KIF25: variants seen among roughly 807,000 people sequenced by gnomAD.
KIF25 encodes kinesin-like protein KIF25.
Under a neutral mutation model 32.9 loss-of-function variants are expected in KIF25, and 19 were observed. The ratio of observed to expected loss-of-function variants is 0.58; its 90% CI spans 0.40 to 0.85. KIF25 has a LOEUF of 0.85. Among genes scored for constraint, KIF25 ranks in the 40% least tolerant of loss-of-function variants. The pLI is 0.00. For synonymous variants in KIF25, 225 were observed against 213.7 expected, an observed-to-expected ratio of 1.05 and a Z score of -0.46; for missense variants, 485 against 507.0, an observed-to-expected ratio of 0.96 and a Z score of 0.42.
chr6:168,040,707 T>G (rs545165082), intron 10 of KIF25, among the ~76,000 whole-genome samples: 1 of 152,170 alleles, frequency 6.6e-6, no homozygotes, highest in East Asian at 1.9e-4. Context: ...GATCCCAGGC[T>G]GAGAAGAAAA....
Position 168,015,098 on chromosome 6 carries a change from G to C in KIF25, c.-162-2875G>C, listed in dbSNP as rs559556001. The stretch of plus-strand genomic sequence containing the variant: ...CTGTATGGTCCTTAATACATTACTT[G>C]TTCTTTTTTAACGTGGGTTCGCTGG... On this transcript the variant is annotated intron_variant, in intron 4 of 12. Coordinates refer to ENST00000643607, the MANE Select transcript of KIF25 (RefSeq NM_030615.4). Among the ~76,000 whole-genome samples the C allele has an allele frequency of 9.2e-5, 14 of 152,306 alleles. No individual in the cohort carries two copies. The South Asian group carries it at 2.9e-3, about 32-fold the overall frequency.
intron 2 of KIF25, among the ~76,000 whole-genome samples, chr6:168,000,960 C>T (rs1038697522): frequency 1.6e-4 from 24 of 152,204 alleles, no homozygotes; most frequent in African/African-American, 5.1e-4. Context: ...AGCACTTGGC[C>T]GGTTCTACAG....
At chr6:167,999,857 A>G (rs188054393) in intron 2 of KIF25, among the ~76,000 whole-genome samples, 1 of 151,988 alleles carries the variant, frequency 6.6e-6, no homozygotes, top group African/African-American at 2.4e-5. Context: ...AATATGACTT[A>G]CTTCCTTCCC....
In KIF25 at chr6:168,033,953, C is replaced by T. The variant is rs140045881; in HGVS notation, c.239C>T (p.Ser80Leu). 4.3e-5 allele frequency: 70 copies of T among 1,614,152 alleles called. No homozygotes were observed. In the African/African-American group the frequency reaches 6.0e-4, roughly 14 times the overall value. Residue 80 changes from serine to leucine, a missense_variant, in exon 8 of 13, where the codon TCG becomes TTG. Coordinates refer to ENST00000643607, the MANE Select transcript of KIF25 (RefSeq NM_030615.4). ...AGCTATACCATGCTGGGACGCCATTCGGACGACGGCCCTGTTCTGCCGCTT... is the reference window on the plus strand; with the variant it reads ...AGCTATACCATGCTGGGACGCCATTTGGACGACGGCCCTGTTCTGCCGCTT... The part of the protein sequence containing the change: ...GKSYTMLGRH[S>L]DDGPVLPLDP...
chr6:168,042,785 G>A (rs1169237797), intron 12 of KIF25, 69 bp downstream of exon 12: 4 of 1,519,856 alleles, frequency 2.6e-6, no homozygotes, highest in Non-Finnish European at 3.5e-6. Flanking sequence ...ACACACTTCT[G>A]GCCTGCACGT....
chr6:168,017,329 A>G (rs575650486), intron 4 of KIF25, among the ~76,000 whole-genome samples: 3 of 152,242 alleles, frequency 2.0e-5, no homozygotes, highest in African/African-American at 7.2e-5. Flanking sequence ...CATTCTCCCT[A>G]TCACCCCTGC....
chr6:168,003,477 G>C (rs543182920), intron 3 of KIF25, 137 bp from the exon 4 acceptor site: 1 of 149,384 alleles, frequency 6.7e-6, no homozygotes, highest in African/African-American at 2.6e-5. Context: ...GAGAAGCAGA[G>C]GGGTGTTTTA....
chr6:168,007,445 A>T (rs891127462), intron 4 of KIF25, among the ~76,000 whole-genome samples: 1 of 152,110 alleles, frequency 6.6e-6, no homozygotes, highest in African/African-American at 2.4e-5. Flanking sequence ...AAAACCATAC[A>T]ATCAGTAAAA....
At chr6:168,028,364 T>C (rs892094222) in intron 5 of KIF25, among the ~76,000 whole-genome samples, 3 of 152,116 alleles carry the variant, frequency 2.0e-5, no homozygotes, top group Non-Finnish European at 4.4e-5. Flanking sequence ...ACACCACTTA[T>C]TAAAACACCT....
chr6:168,015,927 T>C (rs1476774227), intron 4 of KIF25, among the ~76,000 whole-genome samples: 2 of 152,198 alleles, frequency 1.3e-5, no homozygotes, highest in Non-Finnish European at 2.9e-5. Flanking sequence ...TAGACCTTTG[T>C]GGTTTTCGTT....
intron 4 of KIF25, among the ~76,000 whole-genome samples, chr6:168,004,252 C>T (rs1458302998): frequency 6.6e-6 from 1 of 152,172 alleles, no homozygotes; most frequent in African/African-American, 2.4e-5. Flanking sequence ...GGGAGCTGAA[C>T]AGCAAGGGAG....
intron 9 of KIF25, 142 bp downstream of exon 9, chr6:168,038,871 T>C (rs1195414485): frequency 9.5e-6 from 7 of 737,936 alleles, no homozygotes; most frequent in Non-Finnish European, 1.5e-5. Flanking sequence ...GGTGGCCCGA[T>C]CAGTGCTCCT....
chr6:168,042,704 C>T lies in KIF25; in HGVS notation c.973C>T (p.Gln325Ter). The T allele has an allele frequency of 1.2e-6, 2 of 1,611,626 alleles. No individual in the cohort carries two copies. Among genetic ancestry groups the T allele is most frequent in the Non-Finnish European group, 1.7e-6 (2 of 1,179,546 alleles). Residue 325 changes from glutamine to a stop codon, truncating the protein, a stop_gained, in exon 12 of 13, where the codon CAG (glutamine) becomes TAG (stop). Coordinates refer to ENST00000643607, the MANE Select transcript of KIF25 (RefSeq NM_030615.4). LOFTEE classifies it low-confidence loss of function (END_TRUNC). ...GAACAGCAGGCTCACCCACCTCCTT[C>T]AGGACTGCCTCGGTAACCGTTTTCC... The part of the protein sequence containing the change: ...YRNSRLTHLL[Q>*]DCLGGDAKLL...
Position 167,998,436 on chromosome 6 carries a change from C to T in KIF25, c.-1033C>T, listed in dbSNP as rs910794050. ...GGTTTTCAAAATGTAGAAGGAGCTG[C>T]TCAGCATGACAGGGTGGATAAACTT... On this transcript the variant is annotated 5_prime_UTR_variant, in exon 1 of 13. Coordinates refer to ENST00000643607, the MANE Select transcript of KIF25 (RefSeq NM_030615.4). The T allele has an allele frequency of 6.6e-6, 1 of 152,194 alleles. No individual in the cohort carries two copies. Among genetic ancestry groups the T allele is most frequent in the East Asian group, 1.9e-4 (1 of 5,198 alleles). 9.4% of individuals were successfully genotyped at this position (152,194 alleles called of 1,614,324 possible).
At chr6:168,025,865 C>T (rs981564169) in intron 5 of KIF25, among the ~76,000 whole-genome samples, 2 of 152,244 alleles carry the variant, frequency 1.3e-5, no homozygotes, top group African/African-American at 4.8e-5. Flanking sequence ...GCAAAGCAGC[C>T]AGAGTCCCAC....
At chr6:168,005,676 C>T (rs895135586) in intron 4 of KIF25, among the ~76,000 whole-genome samples, 1 of 152,158 alleles carries the variant, frequency 6.6e-6, no homozygotes, top group African/African-American at 2.4e-5. Context: ...ACTTGGAGTC[C>T]GATGTTCGAG....
rs560930999 is a variant in KIF25, at chr6:168,044,193, G to C, written c.986-634G>C. On this transcript the variant is annotated intron_variant, in intron 12 of 12. Coordinates refer to ENST00000643607, the MANE Select transcript of KIF25 (RefSeq NM_030615.4). ...AGGTGAGGGGTGCTAGTGACCGGCTGCTGACCCTTCCAGAGGGTGAGGGGT... is the reference window on the plus strand; with the variant it reads ...AGGTGAGGGGTGCTAGTGACCGGCTCCTGACCCTTCCAGAGGGTGAGGGGT... Among the ~76,000 whole-genome samples the C allele has an allele frequency of 2.6e-5, 4 of 151,204 alleles. No individual in the cohort carries two copies. The South Asian group carries it at 8.4e-4, about 32-fold the overall frequency.
intron 2 of KIF25, among the ~76,000 whole-genome samples, chr6:168,001,672 C>T (rs1798505809): frequency 9.5e-6 from 1 of 105,632 alleles, no homozygotes. Context: ...GGTGAGAAGA[C>T]ACCTGAGGCG....
At position 168,042,575 on chromosome 6, in the gene KIF25, A is replaced by G. The variant is rs1799141212; in HGVS notation, c.844A>G (p.Thr282Ala). 6.2e-7 allele frequency: 1 copy of G among 1,613,616 alleles called. No individual in the cohort carries two copies. Among genetic ancestry groups the G allele is most frequent in the Non-Finnish European group, 8.5e-7 (1 of 1,179,852 alleles). Residue 282 changes from threonine (T) to alanine (A), a missense_variant, in exon 12 of 13, where the codon ACC (threonine) becomes GCC (alanine). By Grantham distance (58) the Thr-to-Ala change is moderately conservative. This residue lies in a region of KIF25 where 480 missense variants were observed against 470.3 expected (regional missense o/e 1.02). Transcript: ENST00000643607. Reference sequence around the variant, plus strand: ...GTCCTGTCCAGGTGTGTCTGGAGTGACCGGGTTGGCCCTGAGGGAGATGGC... The same window carrying G: ...GTCCTGTCCAGGTGTGTCTGGAGTGGCCGGGTTGGCCCTGAGGGAGATGGC... ...GSECVGVSGV[T>A]GLALREMACI...
Sources: gnomAD v4.1 joint callset for allele counts (sites outside exome capture counted in the v4.1 genomes callset) on GRCh38, gnomAD v4.1.1 for gene constraint, gnomAD v4.1.1 regional missense constraint, MANE v1.5 for transcripts, NCBI Gene and HGNC (gene_info 2026-07-23, HGNC 2026-07-21) for gene names.